The following SNTG1 variants were observed in gnomAD, a reference collection of about 807,000 sequenced individuals.
The protein encoded by SNTG1 is syntrophin gamma 1.
SNTG1 carries 39 observed loss-of-function variants against 74.7 expected under a neutral mutation model. The observed-to-expected ratio is 0.52, with a 90% CI of 0.40 to 0.68. The LOEUF (loss-of-function observed/expected upper bound fraction) is 0.68, where lower values mean the gene tolerates loss of function less well. SNTG1 is among the 30% of genes least tolerant of loss of function. The pLI is 0.00. For synonymous variants in SNTG1, 254 were observed against 217.1 expected (o/e 1.17, Z -1.49); for missense variants, 685 against 609.5 (o/e 1.12, Z -1.30).
At chr8:50,583,029 A>C (rs1231009469) in intron 12 of SNTG1, among the ~76,000 whole-genome samples, 1 of 152,196 alleles carries the variant, frequency 6.6e-6, no homozygotes, top group Non-Finnish European at 1.5e-5. Context: ...TGTTCTTAAA[A>C]AAATAAGAAC....
chr8:50,785,218 C>T (rs185398345), intron 18 of SNTG1, among the ~76,000 whole-genome samples: 14 of 151,636 alleles, frequency 9.2e-5, no homozygotes, highest in Admixed American at 4.6e-4. Context: ...AAAAAGAATA[C>T]ATAAACAATT....
intron 1 of SNTG1, among the ~76,000 whole-genome samples, chr8:49,973,363 TG>T (rs1375071604): frequency 1.8e-4 from 20 of 112,722 alleles, no homozygotes; most frequent in African/African-American, 2.8e-4. Flanking sequence ...GGGCCTGTTG[TG>T]GGGTGGGGGG....
At chr8:50,189,896 A>T (rs2083505773) in intron 2 of SNTG1, among the ~76,000 whole-genome samples, 1 of 152,210 alleles carries the variant, frequency 6.6e-6, no homozygotes, top group Non-Finnish European at 1.5e-5. Context: ...CCAATTCTAA[A>T]TTCTAATCTA....
intron 1 of SNTG1, among the ~76,000 whole-genome samples, chr8:49,924,398 T>C (rs902298748): frequency 6.6e-6 from 1 of 152,194 alleles, no homozygotes; most frequent in Non-Finnish European, 1.5e-5. Context: ...CAAATACAGA[T>C]AATAACCCAC....
At chr8:50,155,276 A>G (rs1045558882) in intron 1 of SNTG1, among the ~76,000 whole-genome samples, 1 of 152,220 alleles carries the variant, frequency 6.6e-6, no homozygotes, top group Non-Finnish European at 1.5e-5. Context: ...CCAGGTTCAC[A>G]TGATCAGTTG....
At chr8:50,340,216 C>T (rs939754605) in intron 2 of SNTG1, among the ~76,000 whole-genome samples, 1 of 151,916 alleles carries the variant, frequency 6.6e-6, no homozygotes, top group Non-Finnish European at 1.5e-5. Flanking sequence ...TACTAATAAA[C>T]TGATTCTAAA....
At chr8:50,301,456 T>C (rs2089640960) in intron 2 of SNTG1, among the ~76,000 whole-genome samples, 1 of 152,184 alleles carries the variant, frequency 6.6e-6, no homozygotes, top group African/African-American at 2.4e-5. Flanking sequence ...CTATATTTCA[T>C]AATTTATCAT....
chr8:50,120,827 A>G lies in SNTG1; in HGVS notation c.-102-51734A>G, dbSNP rs756360766. 2.3e-4 allele frequency among the ~76,000 whole-genome samples: 33 copies of G among 142,328 alleles called. 3 individuals are homozygous for G. The highest frequency in any genetic ancestry group is 8.4e-4 in the African/African-American group (33 of 39,296). 93.4% of individuals were successfully genotyped at this position (142,328 alleles called of 152,430 possible). A position where few individuals can be genotyped will look rare whatever the true frequency, so the allele number is the denominator to read the frequency against. ...TTATGTACCAAGTTCTTAATTTGTA[A>G]GAAACTGGTAGAGAAATTATATGGT... On this transcript the variant is annotated intron_variant, in intron 1 of 18. Transcript: ENST00000642720.
rs141111471 is a variant in SNTG1, at chr8:50,658,633, A to G, written c.1008A>G (p.Ser336=). 10 of 1,610,636 alleles carry G rather than the reference A, an allele frequency of 6.2e-6. No homozygotes were observed. The highest frequency in any genetic ancestry group is 4.0e-5 in the African/African-American group (3 of 74,820). The change falls in exon 15 of 19, where the codon TCA becomes TCG. Residue 336 remains serine (S), a synonymous_variant. Transcript: ENST00000642720. Reference sequence around the variant, plus strand: ...GGACGAGAGCAGAGAAAACATTCTCAGTTTATGAGATTATGTGCAAGATCC... The same window carrying G: ...GGACGAGAGCAGAGAAAACATTCTCGGTTTATGAGATTATGTGCAAGATCC... ...WDWTRAEKTF[S]VYEIMCKILK... is the part of the protein sequence containing the mutation.
intron 15 of SNTG1, among the ~76,000 whole-genome samples, chr8:50,670,848 T>C (rs1001131668): frequency 6.7e-6 from 1 of 149,772 alleles, no homozygotes; most frequent in Non-Finnish European, 1.5e-5. Flanking sequence ...AACAGAGATA[T>C]AGATCAATGG....
At chr8:50,165,660 C>A (rs2082588091) in intron 1 of SNTG1, among the ~76,000 whole-genome samples, 1 of 152,142 alleles carries the variant, frequency 6.6e-6, no homozygotes, top group Non-Finnish European at 1.5e-5. Flanking sequence ...TTTTTATTTT[C>A]CTTCTTCAGT....
At chr8:50,778,881 T>C (rs1355694626) in intron 18 of SNTG1, among the ~76,000 whole-genome samples, 7 of 152,086 alleles carry the variant, frequency 4.6e-5, no homozygotes, top group Admixed American at 3.3e-4. Flanking sequence ...AATTTTTGTA[T>C]AAGGTGTAAG....
chr8:50,136,212 A>G (rs2081470977), intron 1 of SNTG1, among the ~76,000 whole-genome samples: 1 of 152,092 alleles, frequency 6.6e-6, no homozygotes, highest in Non-Finnish European at 1.5e-5. Flanking sequence ...ACTGCGATGA[A>G]CTTATGTGTG....
At chr8:50,626,883 C>G (rs1267754101) in intron 13 of SNTG1, among the ~76,000 whole-genome samples, 2 of 152,044 alleles carry the variant, frequency 1.3e-5, no homozygotes, top group African/African-American at 2.4e-5. Flanking sequence ...CTGGAAAGGG[C>G]AAATTCTTTT....
At chr8:50,233,312 G>A (rs183636781) in intron 2 of SNTG1, among the ~76,000 whole-genome samples, 1 of 151,586 alleles carries the variant, frequency 6.6e-6, no homozygotes, top group African/African-American at 2.4e-5. Flanking sequence ...ATGGAGGAAG[G>A]ATAGTCTTTT....
rs564883585 is a variant in SNTG1 at position 50,280,382 on chromosome 8, C to T, written c.-28+107747C>T. Among the ~76,000 whole-genome samples, 4 of 152,298 alleles carry T rather than the reference C, an allele frequency of 2.6e-5. No individual in the cohort carries two copies. In the East Asian group the frequency reaches 7.7e-4, roughly 29 times the overall value. On this transcript the variant is annotated intron_variant, in intron 2 of 18. Transcript: ENST00000642720. ...AAAACATCTTTTGCAATTTAAATGT[C>T]TCAATGTTCCAGTGAACTTTCTGAA...
chr8:50,414,712 G>A (rs1377884342), intron 4 of SNTG1, among the ~76,000 whole-genome samples: 1 of 151,992 alleles, frequency 6.6e-6, no homozygotes, highest in Non-Finnish European at 1.5e-5. Context: ...ACTCAAAGGA[G>A]TGTTAGACTC....
intron 12 of SNTG1, among the ~76,000 whole-genome samples, chr8:50,581,447 CCT>C (rs1381712003): frequency 6.6e-6 from 1 of 151,912 alleles, no homozygotes; most frequent in East Asian, 1.9e-4. Context: ...ACTTCAGATG[CCT>C]CTCTCTCTCC....
At chr8:50,751,745 A>T (rs2095567868) in intron 17 of SNTG1, among the ~76,000 whole-genome samples, 1 of 152,060 alleles carries the variant, frequency 6.6e-6, no homozygotes. Context: ...CACATAAGAC[A>T]AGATACTAAG....
Sources: allele counts gnomAD v4.1 joint callset (sites outside exome capture counted in the v4.1 genomes callset), GRCh38; gene constraint gnomAD v4.1.1; transcripts MANE v1.5; gene names NCBI Gene and HGNC (gene_info 2026-07-23, HGNC 2026-07-21).